Variants in CACNA1D observed in about 807,000 individuals in gnomAD.
The protein encoded by CACNA1D is voltage-dependent L-type calcium channel subunit alpha-1D.
In CACNA1D, 55 loss-of-function variants were observed where a neutral mutation model predicts 257.1. That is an observed-to-expected ratio of 0.21 (90% confidence interval 0.17 to 0.27). CACNA1D has a LOEUF of 0.27. Ranked by LOEUF, CACNA1D falls within the 10% of genes least tolerant of loss-of-function variation. The pLI is 1.00. For missense variants in CACNA1D, 1,876 were observed against 2,784.0 expected, an observed-to-expected ratio of 0.67 and a Z score of 7.34; for synonymous variants, 980 against 1,014.9, an observed-to-expected ratio of 0.97 and a Z score of 0.65.
rs1164238859 is a variant in CACNA1D at position 53,551,785 on chromosome 3, C to T, written c.483+50065C>T. 1.3e-5 allele frequency among the ~76,000 whole-genome samples: 2 copies of T among 152,196 alleles called. 1 individual carries two copies. Among genetic ancestry groups the T allele is most frequent in the African/African-American group, 4.8e-5 (2 of 41,450 alleles). On this transcript the variant is annotated intron_variant, in intron 3 of 47. Transcript: ENST00000350061. ...CTCCTACCTAACACACCTGTCCATT[C>T]CAAACAAACTGGCCGTGCCTCCTCC... is the stretch of plus-strand genomic sequence containing the variant.
At chr3:53,515,433 C>T (rs992926935) in intron 3 of CACNA1D, among the ~76,000 whole-genome samples, 4 of 152,260 alleles carry the variant, frequency 2.6e-5, no homozygotes, top group South Asian at 2.1e-4. Context: ...ACGGCCTATA[C>T]GGCACTTCAT....
rs1406001738 is a variant in CACNA1D at position 53,781,547 on chromosome 3, T to G, written c.4691-19T>G. The stretch of plus-strand genomic sequence containing the variant: ...ACAGAAATGAGGCTTGCTTTTCCCC[T>G]TTTGTTTTTTGAATCCAGGGAACCT... On this transcript the variant is annotated intron_variant, in intron 38 of 47. Transcript: ENST00000350061. 6.4e-7 allele frequency: 1 copy of G among 1,550,864 alleles called. No homozygotes were observed. Among genetic ancestry groups the G allele is most frequent in the Non-Finnish European group, 8.9e-7 (1 of 1,122,456 alleles).
intron 3 of CACNA1D, among the ~76,000 whole-genome samples, chr3:53,582,547 T>C (rs760868832): frequency 6.6e-6 from 1 of 151,904 alleles, no homozygotes; most frequent in African/African-American, 2.4e-5. Flanking sequence ...CATTTGGAGA[T>C]TGCAGGAGAA....
In CACNA1D at chr3:53,676,453, T is replaced by C. The variant is rs183063882; in HGVS notation, c.1220+3327T>C. 1.9e-3 allele frequency among the ~76,000 whole-genome samples: 283 copies of C among 152,280 alleles called. 1 individual carries two copies. The highest frequency in any genetic ancestry group is 6.4e-3 in the African/African-American group (267 of 41,568). ...CTGCAAAACCAGAAGGATATAAATGTTGAGAGGAAGACAATTTGTGTTGCA... is the reference window on the plus strand; with the variant it reads ...CTGCAAAACCAGAAGGATATAAATGCTGAGAGGAAGACAATTTGTGTTGCA... On this transcript the variant is annotated intron_variant, in intron 8 of 47. Coordinates refer to ENST00000350061, the MANE Select transcript of CACNA1D (RefSeq NM_001128840.3).
In CACNA1D at chr3:53,801,661, G is replaced by A. The variant is rs566837370; in HGVS notation, c.5408+236G>A. On this transcript the variant is annotated intron_variant, in intron 42 of 47. Coordinates refer to ENST00000350061, the MANE Select transcript of CACNA1D (RefSeq NM_001128840.3). ...CATCCTACATCCTGTGTGGGGTGCC[G>A]AGGGACCTTAAAACAGCAGCAGCCA... Among the ~76,000 whole-genome samples the A allele has an allele frequency of 5.1e-4, 77 of 152,298 alleles. 1 individual carries two copies. The highest frequency in any genetic ancestry group is 8.2e-4 in the Non-Finnish European group (56 of 68,016).
chr3:53,674,171 A>C, intron 8 of CACNA1D: 1 of 384,136 alleles, frequency 2.6e-6, no homozygotes, highest in South Asian at 2.4e-5. Flanking sequence ...TTAGTACATA[A>C]CTCCTTGTCG....
intron 3 of CACNA1D, among the ~76,000 whole-genome samples, chr3:53,531,979 C>T (rs1349520395): frequency 3.3e-5 from 5 of 152,128 alleles, no homozygotes; most frequent in Non-Finnish European, 7.3e-5. Flanking sequence ...GGGATCCCCT[C>T]GGTCTTTGGT....
At chr3:53,682,877 A>T (rs1413771070) in intron 8 of CACNA1D, among the ~76,000 whole-genome samples, 1 of 152,210 alleles carries the variant, frequency 6.6e-6, no homozygotes, top group African/African-American at 2.4e-5. Flanking sequence ...AATAGGAAGC[A>T]ACTATTTTCA....
intron 19 of CACNA1D, among the ~76,000 whole-genome samples, chr3:53,733,930 T>TTGTA (rs567276295): frequency 7.5e-6 from 1 of 134,034 alleles, no homozygotes; most frequent in African/African-American, 2.9e-5. Context: ...GTGTGTGTGT[T>TTGTA]TGTGTGTGTG....
intron 3 of CACNA1D, among the ~76,000 whole-genome samples, chr3:53,646,895 G>A (rs1023531361): frequency 6.6e-6 from 1 of 152,166 alleles, no homozygotes; most frequent in African/African-American, 2.4e-5. Flanking sequence ...AAAGTACCAA[G>A]TCTAATGAAG....
At chr3:53,685,556 G>A (rs746938446) in intron 8 of CACNA1D, among the ~76,000 whole-genome samples, 7 of 152,020 alleles carry the variant, frequency 4.6e-5, no homozygotes, top group African/African-American at 9.7e-5. Flanking sequence ...AACATTCACC[G>A]ACATAGACCA....
intron 3 of CACNA1D, among the ~76,000 whole-genome samples, chr3:53,511,378 A>T (rs1433698076): frequency 6.6e-6 from 1 of 152,186 alleles, no homozygotes; most frequent in Non-Finnish European, 1.5e-5. Context: ...ACATCCTGAC[A>T]CACAGGGTTT....
At position 53,551,617 on chromosome 3, in the gene CACNA1D, C is replaced by T. The variant is rs77590178; in HGVS notation, c.483+49897C>T. ...TGGGAAGGATGAACCATGCATTTTC[C>T]TAAACCCACACTTCGAGGTTTACAA... On this transcript the variant is annotated intron_variant, in intron 3 of 47. Coordinates refer to ENST00000350061, the MANE Select transcript of CACNA1D (RefSeq NM_001128840.3). 3.2e-3 allele frequency among the ~76,000 whole-genome samples: 489 copies of T among 152,356 alleles called. 3 individuals are homozygous for T. Among genetic ancestry groups the T allele is most frequent in the African/African-American group, 0.011 (439 of 41,582 alleles).
chr3:53,649,585 G>T (rs2094066072), intron 3 of CACNA1D, among the ~76,000 whole-genome samples: 1 of 151,958 alleles, frequency 6.6e-6, no homozygotes, highest in African/African-American at 2.4e-5. Context: ...CATTTTTCTG[G>T]CTCCTGGTAC....
chr3:53,754,234 T>C (rs1039171561), intron 29 of CACNA1D, among the ~76,000 whole-genome samples: 3 of 152,234 alleles, frequency 2.0e-5, no homozygotes, highest in African/African-American at 7.2e-5. Context: ...TAACACAAAA[T>C]GAGACATGAA....
intron 9 of CACNA1D, among the ~76,000 whole-genome samples, chr3:53,705,221 G>A (rs1288468821): frequency 6.6e-6 from 1 of 152,168 alleles, no homozygotes; most frequent in African/African-American, 2.4e-5. Flanking sequence ...AGGCTGGGGC[G>A]ATGTGAGGAA....
chr3:53,778,509 A>G lies in CACNA1D; in HGVS notation c.4588-1517A>G, dbSNP rs989176550. Among the ~76,000 whole-genome samples the G allele has an allele frequency of 6.7e-4, 102 of 152,372 alleles. 1 individual carries two copies. The highest frequency in any genetic ancestry group is 2.5e-3 in the African/African-American group (102 of 41,590). Reference sequence around the variant, plus strand: ...AGATTCCAAATCATCAATATGGAAGAGAAAGAAAATCTTTTCTTTTGGAAC... The same window carrying G: ...AGATTCCAAATCATCAATATGGAAGGGAAAGAAAATCTTTTCTTTTGGAAC... On this transcript the variant is annotated intron_variant, in intron 37 of 47. Transcript: ENST00000350061.
chr3:53,670,448 G>C (rs146867788), intron 7 of CACNA1D, among the ~76,000 whole-genome samples: 1 of 152,098 alleles, frequency 6.6e-6, no homozygotes, highest in Non-Finnish European at 1.5e-5. Context: ...GGGTTCAAGC[G>C]ATTCTCGTGC....
At chr3:53,687,891 C>G (rs1218486185) in intron 8 of CACNA1D, among the ~76,000 whole-genome samples, 1 of 152,164 alleles carries the variant, frequency 6.6e-6, no homozygotes, top group African/African-American at 2.4e-5. Context: ...TAAGAAACTG[C>G]TACATAGATA....
Sources: gnomAD v4.1 joint callset for allele counts (sites outside exome capture counted in the v4.1 genomes callset) on GRCh38, gnomAD v4.1.1 for gene constraint, MANE v1.5 for transcripts, NCBI Gene and HGNC (gene_info 2026-07-23, HGNC 2026-07-21) for gene names.